Variants in CISD1 observed in about 807,000 individuals in gnomAD.
CISD1 encodes CDGSH iron-sulfur domain-containing protein 1.
A neutral mutation model predicts 12.0 loss-of-function variants in CISD1; 8 were observed. That is an observed-to-expected ratio of 0.67 (90% CI 0.39 to 1.20). The LOEUF (loss-of-function observed/expected upper bound fraction) is 1.20, where lower values mean the gene tolerates loss of function less well. Ranked by LOEUF, CISD1 falls within the 50% of genes most tolerant of loss-of-function variation. The pLI, the probability that CISD1 is intolerant of heterozygous loss-of-function variation, is 0.01. For synonymous variants in CISD1, 38 were observed against 42.2 expected, an observed-to-expected ratio of 0.90 and a Z score of 0.39; for missense variants, 107 against 132.7, an observed-to-expected ratio of 0.81 and a Z score of 0.95.
intron 1 of CISD1, 141 bp downstream of exon 1, chr10:58,269,445 C>A (rs1839215089): frequency 4.0e-6 from 3 of 743,594 alleles, no homozygotes; most frequent in Non-Finnish European, 6.5e-6. Context: ...GCGCTCGGCC[C>A]GGCTGCGGGC....
chr10:58,277,574 C>T (rs967734781), intron 2 of CISD1, among the ~76,000 whole-genome samples: 5 of 150,444 alleles, frequency 3.3e-5, no homozygotes, highest in Non-Finnish European at 7.4e-5. Context: ...TGAGCCACCA[C>T]GTGTGACCTG....
intron 2 of CISD1, among the ~76,000 whole-genome samples, chr10:58,284,853 A>G (rs894431274): frequency 1.3e-5 from 2 of 152,206 alleles, no homozygotes; most frequent in Non-Finnish European, 2.9e-5. Context: ...TTCATTTTTC[A>G]GAAATGTTGC....
chr10:58,284,670 A>G (rs1034643552), intron 2 of CISD1, among the ~76,000 whole-genome samples: 1 of 150,854 alleles, frequency 6.6e-6, no homozygotes, highest in African/African-American at 2.5e-5. Flanking sequence ...CTTTTGATAT[A>G]TGACTTTCTT....
chr10:58,273,534 A>G (rs1223879827), intron 1 of CISD1: 2 of 130,530 alleles, frequency 1.5e-5, no homozygotes, highest in African/African-American at 7.5e-5. Flanking sequence ...TAATGCTCAC[A>G]GTAAAAGAAA....
chr10:58,276,474 A>G (rs2132279363), intron 1 of CISD1, among the ~76,000 whole-genome samples: 1 of 152,110 alleles, frequency 6.6e-6, no homozygotes, highest in African/African-American at 2.4e-5. Context: ...GAAATTTTAA[A>G]CAAAGGACTT....
At chr10:58,270,172 A>C (rs1839228339) in intron 1 of CISD1, among the ~76,000 whole-genome samples, 1 of 152,208 alleles carries the variant, frequency 6.6e-6, no homozygotes, top group Non-Finnish European at 1.5e-5. Flanking sequence ...AAATACGTTC[A>C]GTAAATATTG....
Position 58,269,194 on chromosome 10 carries a change from TG to T in CISD1, c.-78del. The T allele has an allele frequency of 6.8e-7, 1 of 1,468,956 alleles. No homozygotes were observed. The highest frequency in any genetic ancestry group is 9.4e-7 in the Non-Finnish European group (1 of 1,061,480). The allele number at this position is 1,468,956 out of a possible 1,614,324, so 91.0% of individuals were successfully genotyped here. A position where few individuals can be genotyped will look rare whatever the true frequency, so the allele number is the denominator to read the frequency against. Reference sequence around the variant, plus strand: ...CGGAGTCGGTGCTTTAGTACGCCGCTGGCACCTTTACTCTCGCCGGCCGCGC... The same window carrying T: ...CGGAGTCGGTGCTTTAGTACGCCGCTGCACCTTTACTCTCGCCGGCCGCGC... On this transcript the variant is annotated 5_prime_UTR_variant, in exon 1 of 3. Coordinates refer to ENST00000333926, the MANE Select transcript of CISD1 (RefSeq NM_018464.5).
chr10:58,271,093 G>A (rs1386326176), intron 1 of CISD1, among the ~76,000 whole-genome samples: 1 of 147,310 alleles, frequency 6.8e-6, no homozygotes, highest in East Asian at 2.0e-4. Context: ...AGGCTGGAGT[G>A]CAGTGGCGGG....
intron 2 of CISD1, among the ~76,000 whole-genome samples, chr10:58,286,618 A>G (rs914411618): frequency 2.6e-5 from 4 of 152,238 alleles, no homozygotes; most frequent in African/African-American, 7.2e-5. Context: ...GAATGAAACC[A>G]AATCAGAGTG....
chr10:58,287,657 A>C lies in CISD1; in HGVS notation c.*7A>C. On this transcript the variant is annotated 3_prime_UTR_variant, in exon 3 of 3. Transcript: ENST00000333926. ...CAAGAAAAAAGAAACTTAAATGGACACTTTTGATGCTGCAAATCAGCTTGT... is the reference window on the plus strand; with the variant it reads ...CAAGAAAAAAGAAACTTAAATGGACCCTTTTGATGCTGCAAATCAGCTTGT... The C allele has an allele frequency of 6.3e-7, 1 of 1,578,486 alleles. No individual in the cohort carries two copies. Among genetic ancestry groups the C allele is most frequent in the South Asian group, 1.1e-5 (1 of 88,166 alleles).
At chr10:58,287,133 C>G (rs889497714) in intron 2 of CISD1, among the ~76,000 whole-genome samples, 1 of 152,112 alleles carries the variant, frequency 6.6e-6, no homozygotes, top group Non-Finnish European at 1.5e-5. Context: ...GTTGGCCAGG[C>G]TGGTCTTGAA....
At chr10:58,275,111 A>G (rs536538375) in intron 1 of CISD1, among the ~76,000 whole-genome samples, 26 of 152,354 alleles carry the variant, frequency 1.7e-4, no homozygotes, top group African/African-American at 6.0e-4. Context: ...CGACAGCATT[A>G]AGGAAGTTGC....
At chr10:58,278,390 G>A (rs1459609818) in intron 2 of CISD1, among the ~76,000 whole-genome samples, 1 of 152,042 alleles carries the variant, frequency 6.6e-6, no homozygotes, top group Non-Finnish European at 1.5e-5. Flanking sequence ...AGCCAGGCAT[G>A]GTGGCATGCA....
intron 2 of CISD1, among the ~76,000 whole-genome samples, chr10:58,282,592 A>G (rs1486986167): frequency 6.6e-6 from 1 of 152,232 alleles, no homozygotes; most frequent in African/African-American, 2.4e-5. Flanking sequence ...GCATCCATGG[A>G]TGTGGAACCC....
intron 2 of CISD1, among the ~76,000 whole-genome samples, chr10:58,286,288 C>T (rs1197245485): frequency 1.3e-5 from 2 of 151,710 alleles, no homozygotes; most frequent in Non-Finnish European, 2.9e-5. Context: ...ATGCAAATAT[C>T]CCAGCGTAGT....
At position 58,277,306 on chromosome 10, in the gene CISD1, G is replaced by T; in HGVS notation, c.221G>T (p.Cys74Phe). ...GGAGATAAAGCTGTGTACTGCCGTTGTTGGAGGTCCAAAAAGGTGAGGAAA... is the reference window on the plus strand; with the variant it reads ...GGAGATAAAGCTGTGTACTGCCGTTTTTGGAGGTCCAAAAAGGTGAGGAAA... The part of the protein sequence containing the change: ...DLGDKAVYCR[C>F]WRSKKFPFCD... The change falls in exon 2 of 3, where the codon TGT becomes TTT. Residue 74 changes from cysteine (C) to phenylalanine (F), a missense_variant. Physicochemically the swap from Cys to Phe is radical, Grantham distance 205. Transcript: ENST00000333926. 6.3e-7 allele frequency: 1 copy of T among 1,586,690 alleles called. No individual in the cohort carries two copies. The highest frequency in any genetic ancestry group is 8.6e-7 in the Non-Finnish European group (1 of 1,168,164).
At chr10:58,282,284 T>G (rs1564547226) in intron 2 of CISD1, among the ~76,000 whole-genome samples, 1 of 152,198 alleles carries the variant, frequency 6.6e-6, no homozygotes, top group Non-Finnish European at 1.5e-5. Flanking sequence ...TATTTTATAG[T>G]ACAGGCTTCC....
At chr10:58,287,330 C>T (rs767990664) in intron 2 of CISD1, among the ~76,000 whole-genome samples, 3 of 152,048 alleles carry the variant, frequency 2.0e-5, no homozygotes, top group Non-Finnish European at 4.4e-5. Flanking sequence ...AGGCCTTCAA[C>T]ACTCATCACA....
chr10:58,287,788 TG>T lies in CISD1; in HGVS notation c.*140del. 2.1e-6 allele frequency: 1 copy of T among 467,742 alleles called. No homozygotes were observed. 29.0% of individuals were successfully genotyped at this position (467,742 alleles called of 1,614,324 possible). A position where few individuals can be genotyped will look rare whatever the true frequency, so the allele number is the denominator to read the frequency against. On this transcript the variant is annotated 3_prime_UTR_variant, in exon 3 of 3. Transcript: ENST00000333926. ...TTGCAAACTGCAGCTTTCACATTTA[TG>T]GCATTTGTCTTGTTGAAACATCGTG...
Sources: gnomAD v4.1 joint callset for allele counts (sites outside exome capture counted in the v4.1 genomes callset) on GRCh38, gnomAD v4.1.1 for gene constraint, MANE v1.5 for transcripts, NCBI Gene and HGNC (gene_info 2026-07-23, HGNC 2026-07-21) for gene names.